The following ZFP91 variants were observed in gnomAD, a reference collection of about 807,000 sequenced individuals.
ZFP91 encodes the protein E3 ubiquitin-protein ligase ZFP91.
Under a neutral mutation model 63.5 loss-of-function variants are expected in ZFP91, and 7 were observed. That is an observed-to-expected ratio of 0.11 (90% CI 0.06 to 0.21). The LOEUF is 0.21. Among genes scored for constraint, ZFP91 ranks in the 10% least tolerant of loss-of-function variants. The pLI is 1.00. For missense variants in ZFP91, 628 were observed against 736.6 expected (o/e 0.85, Z 1.71); for synonymous variants, 330 against 272.1 (o/e 1.21, Z -2.10).
rs201310560 is a variant in ZFP91 at position 58,610,314 on chromosome 11, T to C, written c.597T>C (p.His199=). 1.0e-5 allele frequency: 16 copies of C among 1,600,578 alleles called. No homozygotes were observed. Among genetic ancestry groups the C allele is most frequent in the African/African-American group, 2.7e-5 (2 of 74,022 alleles). ...TTTTTCTAGATGTTGGAGAAGAGCATCAGTCTCCAGGTGGCATTAGGTAAA... is the reference window on the plus strand; with the variant it reads ...TTTTTCTAGATGTTGGAGAAGAGCACCAGTCTCCAGGTGGCATTAGGTAAA... ...DQLDYDVGEE[H]QSPGGISSEE... Residue 199 remains histidine (H), a synonymous_variant, in exon 4 of 11, where the codon CAT becomes CAC. Transcript: ENST00000316059.
Position 58,617,647 on chromosome 11 carries a change from G to T in ZFP91, c.1654G>T (p.Asp552Tyr), listed in dbSNP as rs1175584681. The change falls in exon 11 of 11, where the codon GAT (aspartate) becomes TAT (tyrosine). Residue 552 changes from aspartate to tyrosine, a missense_variant. Physicochemically the swap from Asp to Tyr is radical, Grantham distance 160. This residue lies in a region of ZFP91 where 115 missense variants were observed against 125.4 expected (regional missense o/e 0.92). Transcript: ENST00000316059. The surrounding 1 kb of genome is among the most constrained non-coding windows in gnomAD (Gnocchi z 4.2). ...GGTEGLVMNSDILGATTEVLI... is the reference protein window; with the variant it reads ...GGTEGLVMNSYILGATTEVLI... ...CACTGAAGGGCTGGTTATGAACTCAGATATACTCGGTGCTACCACAGAGGT... is the reference window on the plus strand; with the variant it reads ...CACTGAAGGGCTGGTTATGAACTCATATATACTCGGTGCTACCACAGAGGT... 2 of 1,561,302 alleles carry T rather than the reference G, an allele frequency of 1.3e-6. No individual in the cohort carries two copies. The highest frequency in any genetic ancestry group is 1.7e-6 in the Non-Finnish European group (2 of 1,155,404).
intron 10 of ZFP91, 54 bp downstream of exon 10, chr11:58,616,869 G>C: frequency 6.5e-7 from 1 of 1,539,158 alleles, no homozygotes; most frequent in African/African-American, 1.4e-5. Context: ...TGCCCTACTT[G>C]AAGGTTTGCC....
At position 58,618,681 on chromosome 11, in the gene ZFP91, A is replaced by G; in HGVS notation, c.*975A>G. Reference sequence around the variant, plus strand: ...TTCCATAACAGGTACTTTGAAGGCAAGACATAGGGTTGAAGAAGCACAGCC... The same window carrying G: ...TTCCATAACAGGTACTTTGAAGGCAGGACATAGGGTTGAAGAAGCACAGCC... On this transcript the variant is annotated 3_prime_UTR_variant, in exon 11 of 11. Coordinates refer to ENST00000316059, the MANE Select transcript of ZFP91 (RefSeq NM_053023.5). The G allele has an allele frequency of 2.2e-6, 1 of 456,970 alleles. No homozygotes were observed. The highest frequency in any genetic ancestry group is 4.4e-6 in the Non-Finnish European group (1 of 227,002). The allele number at this position is 456,970 out of a possible 1,614,324, so 28.3% of individuals were successfully genotyped here. A position where few individuals can be genotyped will look rare whatever the true frequency, so the allele number is the denominator to read the frequency against.
chr11:58,579,750 A>C (rs974560373), intron 1 of ZFP91, 128 bp downstream of exon 1: 2 of 877,496 alleles, frequency 2.3e-6, no homozygotes, highest in African/African-American at 1.8e-5. Context: ...CGCACGCCAG[A>C]TGTCACACCG....
chr11:58,581,114 GTAAA>G (rs1184863498), intron 1 of ZFP91, among the ~76,000 whole-genome samples: 1 of 152,184 alleles, frequency 6.6e-6, no homozygotes, highest in Non-Finnish European at 1.5e-5. Context: ...AATGCCTGTT[GTAAA>G]TACTAAGTAC....
chr11:58,591,164 T>C (rs1160775413), intron 2 of ZFP91, among the ~76,000 whole-genome samples: 1 of 152,218 alleles, frequency 6.6e-6, no homozygotes, highest in African/African-American at 2.4e-5. Context: ...GTGTAACCAC[T>C]ATTTTGACTT....
chr11:58,611,711 T>C lies in ZFP91; in HGVS notation c.830T>C (p.Ile277Thr), dbSNP rs745448494. Residue 277 changes from isoleucine (I) to threonine (T), a missense_variant, in exon 6 of 11, where the codon ATT becomes ACT. Physicochemically the swap from Ile to Thr is moderately conservative, Grantham distance 89 (BLOSUM62 -1). Transcript: ENST00000316059. The part of the protein sequence containing the change: ...EVEVKEEENE[I>T]REDEEPPRKR... ...GAGGTGAAAGAAGAGGAGAATGAAA[T>C]TAGAGAGGATGAGGAACCTCCAAGG... is the stretch of plus-strand genomic sequence containing the variant. 6.2e-7 allele frequency: 1 copy of C among 1,611,208 alleles called. No homozygotes were observed. Among genetic ancestry groups the C allele is most frequent in the Non-Finnish European group, 8.5e-7 (1 of 1,178,612 alleles).
chr11:58,602,247 T>C (rs1324017143), intron 2 of ZFP91, among the ~76,000 whole-genome samples: 1 of 152,178 alleles, frequency 6.6e-6, no homozygotes, highest in African/African-American at 2.4e-5. Context: ...TTTAACATTA[T>C]GTCTAATTTT....
At chr11:58,585,969 A>AG (rs1369527405) in intron 2 of ZFP91, among the ~76,000 whole-genome samples, 5 of 151,834 alleles carry the variant, frequency 3.3e-5, no homozygotes, top group Admixed American at 3.3e-4. Flanking sequence ...ATAGTATAGC[A>AG]GGCAGAGGTT....
intron 2 of ZFP91, among the ~76,000 whole-genome samples, chr11:58,590,783 G>C (rs1447916454): frequency 6.6e-6 from 1 of 152,116 alleles, no homozygotes; most frequent in African/African-American, 2.4e-5. Context: ...GTGTTTAAGA[G>C]TGGGATTGAT....
At chr11:58,601,119 T>G (rs1411970513) in intron 2 of ZFP91, among the ~76,000 whole-genome samples, 4 of 152,178 alleles carry the variant, frequency 2.6e-5, no homozygotes, top group African/African-American at 9.7e-5. Flanking sequence ...ATGCTGTGTT[T>G]ATAGGATGTG....
At chr11:58,604,690 T>TG (rs1855542904) in intron 2 of ZFP91, among the ~76,000 whole-genome samples, 1 of 152,232 alleles carries the variant, frequency 6.6e-6, no homozygotes, top group Admixed American at 6.5e-5. Context: ...GCTTTGAATG[T>TG]GTCCCAACAC....
chr11:58,588,277 A>G (rs899653584), intron 2 of ZFP91, among the ~76,000 whole-genome samples: 3 of 152,170 alleles, frequency 2.0e-5, no homozygotes, highest in African/African-American at 7.2e-5. Flanking sequence ...GTAGTCAGGA[A>G]AAAAGAAGTC....
chr11:58,579,820 C>G (rs1855071989), intron 1 of ZFP91, among the ~76,000 whole-genome samples, 198 bp downstream of exon 1: 2 of 152,126 alleles, frequency 1.3e-5, no homozygotes, highest in African/African-American at 4.8e-5. Context: ...CCTGTACCTT[C>G]GCTTGTCGGG....
intron 4 of ZFP91, 126 bp from the exon 5 acceptor site, chr11:58,610,824 C>T: frequency 2.8e-6 from 2 of 705,016 alleles, no homozygotes. Context: ...CCAATTAGGT[C>T]ATTAGGATGA....
chr11:58,606,855 C>G (rs1855577678), intron 2 of ZFP91, among the ~76,000 whole-genome samples: 1 of 152,028 alleles, frequency 6.6e-6, no homozygotes, highest in African/African-American at 2.4e-5. Flanking sequence ...TTAAGAGTTT[C>G]CACAAAGTTG....
In ZFP91 at chr11:58,603,098, A is replaced by G. The variant is rs138734568; in HGVS notation, c.371-6732A>G. On this transcript the variant is annotated intron_variant, in intron 2 of 10. Coordinates refer to ENST00000316059, the MANE Select transcript of ZFP91 (RefSeq NM_053023.5). ...GGAAATGATGAACATGTTATTGGACAGTGGAGAAAAGGTGATCCTTGTTAT... is the reference window on the plus strand; with the variant it reads ...GGAAATGATGAACATGTTATTGGACGGTGGAGAAAAGGTGATCCTTGTTAT... Among the ~76,000 whole-genome samples the G allele has an allele frequency of 6.8e-4, 103 of 152,362 alleles. 1 individual carries two copies. The South Asian group carries it at 0.014, about 21-fold the overall frequency.
Position 58,617,641 on chromosome 11 carries a change from A to G in ZFP91, c.1648A>G (p.Asn550Asp). 2.5e-6 allele frequency: 4 copies of G among 1,575,498 alleles called. No homozygotes were observed. The highest frequency in any genetic ancestry group is 3.4e-6 in the Non-Finnish European group (4 of 1,162,166). The part of the protein sequence containing the change: ...SSGGTEGLVM[N>D]SDILGATTEV... ...TGGAGGCACTGAAGGGCTGGTTATG[A>G]ACTCAGATATACTCGGTGCTACCAC... is the stretch of plus-strand genomic sequence containing the variant. Residue 550 changes from asparagine (N) to aspartate (D), a missense_variant, in exon 11 of 11, where the codon AAC becomes GAC. Asn to Asp is a conservative substitution (Grantham distance 23). Coordinates refer to ENST00000316059, the MANE Select transcript of ZFP91 (RefSeq NM_053023.5). This position sits in a 1 kb window ranked among gnomAD's most constrained non-coding sequence, Gnocchi z 4.2.
chr11:58,605,326 G>A (rs1194673080), intron 2 of ZFP91, among the ~76,000 whole-genome samples: 1 of 152,166 alleles, frequency 6.6e-6, no homozygotes, highest in Non-Finnish European at 1.5e-5. Context: ...AGAAAAAGGA[G>A]TTAGAAATCA....
Sources: allele counts gnomAD v4.1 joint callset (sites outside exome capture counted in the v4.1 genomes callset), GRCh38; gene constraint gnomAD v4.1.1; regional missense constraint gnomAD v4.1.1; non-coding constraint Gnocchi (gnomAD v3.1); transcripts MANE v1.5; gene names NCBI Gene and HGNC (gene_info 2026-07-23, HGNC 2026-07-21).